FHIP2A: variants seen among roughly 807,000 people sequenced by gnomAD.
FHIP2A encodes the protein family with sequence similarity 160 member B1.
FHIP2A carries 46 observed loss-of-function variants against 93.5 expected under a neutral mutation model. The ratio of observed to expected loss-of-function variants is 0.49; its 90% CI spans 0.39 to 0.63. FHIP2A has a LOEUF of 0.63. FHIP2A is among the 20% of genes least tolerant of loss of function. The pLI is 0.00. For synonymous variants in FHIP2A, 332 were observed against 326.5 expected, an observed-to-expected ratio of 1.02 and a Z score of -0.18; for missense variants, 769 against 909.7, an observed-to-expected ratio of 0.85 and a Z score of 1.99.
At chr10:114,887,742 G>A (rs191246717) in intron 16 of FHIP2A, among the ~76,000 whole-genome samples, 16 of 152,200 alleles carry the variant, frequency 1.1e-4, no homozygotes, top group Admixed American at 7.9e-4. Context: ...TCTTTGTAGG[G>A]TGTTTACATA....
rs775918303 is a variant in FHIP2A at position 114,846,224 on chromosome 10, C to G, written c.1255C>G (p.Arg419Gly). ...TSTALLHRIV[R>G]QVTSDVLLQE... is the part of the protein sequence containing the mutation. ...CACTGCTCTGCTTCATCGCATCGTT[C>G]GGCAAGTGACCTCTGATGTTTTGCT... The change falls in exon 10 of 17, where the codon CGG becomes GGG. Residue 419 changes from arginine to glycine, a missense_variant. Coordinates refer to ENST00000369248, the MANE Select transcript of FHIP2A (RefSeq NM_020940.4). 2 of 1,614,110 alleles carry G rather than the reference C, an allele frequency of 1.2e-6. No homozygotes were observed. Among genetic ancestry groups the G allele is most frequent in the Non-Finnish European group, 1.7e-6 (2 of 1,180,012 alleles).
downstream of FHIP2A, among the ~76,000 whole-genome samples, chr10:114,866,091 A>G (rs1275679704): frequency 6.6e-6 from 1 of 152,078 alleles, no homozygotes; most frequent in Non-Finnish European, 1.5e-5. Context: ...ATTAAGCCCC[A>G]CATGCATTAG....
At chr10:114,841,325 C>T (rs2083667644) in intron 5 of FHIP2A, among the ~76,000 whole-genome samples, 1 of 120,712 alleles carries the variant, frequency 8.3e-6, no homozygotes, top group African/African-American at 3.2e-5. Context: ...TGGAGTCTTG[C>T]TCTGTTGCCC....
intron 16 of FHIP2A, among the ~76,000 whole-genome samples, chr10:114,888,764 G>A (rs12413442): frequency 0.047 from 7,163 of 152,010 alleles, 292 homozygotes; most frequent in Admixed American, 0.12. Context: ...CACCATGCCC[G>A]GCTAATTTTT....
In FHIP2A at chr10:114,846,713, T is replaced by A; in HGVS notation, c.1553T>A (p.Leu518Ter). 1 of 1,600,824 alleles carries A rather than the reference T, an allele frequency of 6.2e-7. No individual in the cohort carries two copies. The highest frequency in any genetic ancestry group is 1.1e-5 in the South Asian group (1 of 87,640). Residue 518 changes from leucine (L) to a stop codon, truncating the protein, a stop_gained, in exon 11 of 17, where the codon TTG (leucine) becomes TAG (stop). Transcript: ENST00000369248. LOFTEE classifies it high-confidence loss of function. ...GATAAAGATGTGGTAGAAAATGGAT[T>A]GATAGCAGGAGCAGTGTAAGTTTCC... ...PEDKDVVENG[L>*]IAGAVDLEED...
intron 11 of FHIP2A, 128 bp from the exon 12 acceptor site, chr10:114,846,962 C>T (rs117437887): frequency 0.015 from 13,477 of 888,118 alleles, 124 homozygotes; most frequent in Non-Finnish European, 0.018. Context: ...AGAAAATATA[C>T]ATAATTCCTT....
chr10:114,858,333 G>A (rs952455460), intron 14 of FHIP2A, among the ~76,000 whole-genome samples: 3 of 152,154 alleles, frequency 2.0e-5, no homozygotes, highest in African/African-American at 7.2e-5. Flanking sequence ...GAAATAATCT[G>A]TGTCAGCCTT....
intron 14 of FHIP2A, 126 bp downstream of exon 14, chr10:114,855,466 T>G: frequency 1.2e-6 from 1 of 808,214 alleles, no homozygotes; most frequent in Non-Finnish European, 1.9e-6. Context: ...CTGGATGACT[T>G]TTTCATGAAG....
At chr10:114,844,918 G>C (rs2083691151) in intron 7 of FHIP2A, among the ~76,000 whole-genome samples, 1 of 151,734 alleles carries the variant, frequency 6.6e-6, no homozygotes, top group Admixed American at 6.6e-5. Flanking sequence ...CCAAGTAGCT[G>C]GGATTACAGG....
chr10:114,822,062 T>A lies in FHIP2A; in HGVS notation c.-17T>A. 1 of 1,303,506 alleles carries A rather than the reference T, an allele frequency of 7.7e-7. No individual in the cohort carries two copies. Among genetic ancestry groups the A allele is most frequent in the South Asian group, 2.1e-5 (1 of 47,680 alleles). The allele number at this position is 1,303,506 out of a possible 1,614,324, so 80.7% of individuals were successfully genotyped here. A position where few individuals can be genotyped will look rare whatever the true frequency, so the allele number is the denominator to read the frequency against. On this transcript the variant is annotated 5_prime_UTR_variant, in exon 1 of 17. Coordinates refer to ENST00000369248, the MANE Select transcript of FHIP2A (RefSeq NM_020940.4). ...TCCAGGTCGTCCCGGGAGAGGCTGCTGCAGTCCCGGGACAGGATGTTCTCC... is the reference window on the plus strand; with the variant it reads ...TCCAGGTCGTCCCGGGAGAGGCTGCAGCAGTCCCGGGACAGGATGTTCTCC...
rs1156865049 is a variant in FHIP2A at position 114,864,309 on chromosome 10, G to A, written c.*2769G>A. ...AAGTCCATCAGTATTGACAGAAGAC[G>A]TTACAGTGAAGTGCTAAAACCACAC... On this transcript the variant is annotated 3_prime_UTR_variant, in exon 17 of 17. Transcript: ENST00000369248. 4.1e-6 allele frequency: 4 copies of A among 985,204 alleles called. No homozygotes were observed. The highest frequency in any genetic ancestry group is 4.7e-5 in the South Asian group (1 of 21,278). 61.0% of individuals were successfully genotyped at this position (985,204 alleles called of 1,614,324 possible). A position where few individuals can be genotyped will look rare whatever the true frequency, so the allele number is the denominator to read the frequency against.
intron 5 of FHIP2A, among the ~76,000 whole-genome samples, chr10:114,839,337 G>A (rs2143010726): frequency 6.6e-6 from 1 of 152,090 alleles, no homozygotes; most frequent in Middle Eastern, 3.4e-3. Context: ...ATGTTGGCCA[G>A]GCTGGTCTCA....
chr10:114,860,989 T>G (rs1197836051), intron 15 of FHIP2A, 100 bp downstream of exon 15: 24 of 1,179,162 alleles, frequency 2.0e-5, no homozygotes, highest in Non-Finnish European at 2.8e-5. Context: ...ATGAAAAATA[T>G]ATCTACTGCT....
chr10:114,836,477 C>A (rs185162739), intron 5 of FHIP2A, among the ~76,000 whole-genome samples: 1 of 152,130 alleles, frequency 6.6e-6, no homozygotes, highest in Non-Finnish European at 1.5e-5. Flanking sequence ...TGGACAGATA[C>A]AAAGTCATGG....
At chr10:114,869,873 CATATA>C (rs2083848560) in intron 16 of FHIP2A, among the ~76,000 whole-genome samples, 2 of 152,110 alleles carry the variant, frequency 1.3e-5, no homozygotes, top group South Asian at 4.1e-4. Context: ...TCATGCATAG[CATATA>C]ATATAATTTA....
In FHIP2A at chr10:114,862,069, T is replaced by G; in HGVS notation, c.*529T>G. On this transcript the variant is annotated 3_prime_UTR_variant, in exon 17 of 17. Coordinates refer to ENST00000369248, the MANE Select transcript of FHIP2A (RefSeq NM_020940.4). ...TTCAGAAACCATTGAATGAATTAAT[T>G]ATAGGCGATAAAAATGTGTAGAGCA... The G allele has an allele frequency of 1.0e-6, 1 of 961,474 alleles. No individual in the cohort carries two copies. Among genetic ancestry groups the G allele is most frequent in the Non-Finnish European group, 1.2e-6 (1 of 807,856 alleles). The allele number at this position is 961,474 out of a possible 1,614,324, so 59.6% of individuals were successfully genotyped here.
intron 16 of FHIP2A, among the ~76,000 whole-genome samples, chr10:114,883,862 G>A (rs533708725): frequency 1.6e-3 from 239 of 152,288 alleles, no homozygotes; most frequent in Non-Finnish European, 2.8e-3. Context: ...TTACGGGTAT[G>A]AGCCACCATG....
At chr10:114,843,316 T>A (rs976738085) in intron 6 of FHIP2A, 90 bp downstream of exon 6, 42 of 929,348 alleles carry the variant, frequency 4.5e-5, no homozygotes, top group Non-Finnish European at 5.5e-5. Flanking sequence ...TAATTTATTT[T>A]TTTTTTTGAG....
chr10:114,847,238 G>C lies in FHIP2A; in HGVS notation c.1712+5G>C. On this transcript the variant is annotated splice_donor_5th_base_variant and intron_variant, in intron 12 of 16. Transcript: ENST00000369248. Reference sequence around the variant, plus strand: ...AGTTCATAAAATTGTAAATAGGTGAGTTGCTATATAAAATTTGACTTCCAT... The same window carrying C: ...AGTTCATAAAATTGTAAATAGGTGACTTGCTATATAAAATTTGACTTCCAT... 1 of 1,594,856 alleles carries C rather than the reference G, an allele frequency of 6.3e-7. No individual in the cohort carries two copies. The highest frequency in any genetic ancestry group is 8.5e-7 in the Non-Finnish European group (1 of 1,174,870).
Sources: gnomAD v4.1 joint callset for allele counts (sites outside exome capture counted in the v4.1 genomes callset) on GRCh38, gnomAD v4.1.1 for gene constraint, MANE v1.5 for transcripts, NCBI Gene and HGNC (gene_info 2026-07-23, HGNC 2026-07-21) for gene names.